PPP1R14C: variants seen among roughly 807,000 people sequenced by gnomAD.
PPP1R14C encodes protein phosphatase 1 regulatory subunit 14C.
PPP1R14C carries 16 observed loss-of-function variants against 20.4 expected under a neutral mutation model. That is an observed-to-expected ratio of 0.78 (90% CI 0.53 to 1.19). The LOEUF (loss-of-function observed/expected upper bound fraction) is 1.19, where lower values mean the gene tolerates loss of function less well. PPP1R14C is among the 50% of genes most tolerant of loss of function. The pLI, the probability that PPP1R14C is intolerant of heterozygous loss-of-function variation, is 0.00. For synonymous variants in PPP1R14C, 91 were observed against 91.0 expected, an observed-to-expected ratio of 1.00 and a Z score of 0.00; for missense variants, 211 against 220.1, an observed-to-expected ratio of 0.96 and a Z score of 0.26.
chr6:150,246,956 G>T (rs970266026), intron 3 of PPP1R14C, among the ~76,000 whole-genome samples: 8 of 152,130 alleles, frequency 5.3e-5, no homozygotes, highest in Admixed American at 2.6e-4. Context: ...ATCCATAGAA[G>T]AAAATATATT....
At chr6:150,237,006 T>G (rs1398368261) in intron 3 of PPP1R14C, among the ~76,000 whole-genome samples, 1 of 152,090 alleles carries the variant, frequency 6.6e-6, no homozygotes, top group Non-Finnish European at 1.5e-5. Context: ...ACTGACAGCT[T>G]CCTCAGAAGA....
At chr6:150,225,947 T>C (rs1778225178) in intron 3 of PPP1R14C, among the ~76,000 whole-genome samples, 2 of 152,346 alleles carry the variant, frequency 1.3e-5, no homozygotes, top group African/African-American at 2.4e-5. Context: ...AAGAGTTGAC[T>C]TTAAAGAATC....
At chr6:150,149,243 G>A (rs1312500704) in intron 1 of PPP1R14C, among the ~76,000 whole-genome samples, 1 of 151,958 alleles carries the variant, frequency 6.6e-6, no homozygotes, top group African/African-American at 2.4e-5. Context: ...CATTCAGTGG[G>A]TATATGTGAT....
At chr6:150,193,460 C>G (rs892111389) in intron 1 of PPP1R14C, among the ~76,000 whole-genome samples, 3 of 144,208 alleles carry the variant, frequency 2.1e-5, no homozygotes, top group Admixed American at 1.4e-4. Flanking sequence ...TCTGCATTTT[C>G]AAAAGAATTT....
At chr6:150,152,342 C>T (rs1475433788) in intron 1 of PPP1R14C, among the ~76,000 whole-genome samples, 1 of 152,154 alleles carries the variant, frequency 6.6e-6, no homozygotes, top group African/African-American at 2.4e-5. Context: ...CAGCTCCCCA[C>T]GGTGCTTCAG....
intron 1 of PPP1R14C, among the ~76,000 whole-genome samples, chr6:150,169,602 G>T (rs189914507): frequency 2.0e-5 from 3 of 152,328 alleles, no homozygotes; most frequent in Admixed American, 6.5e-5. Context: ...GCAGAGACCT[G>T]CATAAGGTGA....
intron 1 of PPP1R14C, among the ~76,000 whole-genome samples, chr6:150,168,513 A>G (rs1218557206): frequency 7.9e-6 from 1 of 127,254 alleles, no homozygotes; most frequent in Non-Finnish European, 1.8e-5. Context: ...AGCCTGGGCG[A>G]AAGAGCGAGA....
rs1032722018 is a variant in PPP1R14C at position 150,143,142 on chromosome 6, G to T, written c.-51G>T. 4 of 1,194,386 alleles carry T rather than the reference G, an allele frequency of 3.3e-6. No homozygotes were observed. The African/African-American group carries it at 6.4e-5, about 19-fold the overall frequency. The allele number at this position is 1,194,386 out of a possible 1,614,324, so 74.0% of individuals were successfully genotyped here. On this transcript the variant is annotated 5_prime_UTR_variant, in exon 1 of 4. Coordinates refer to ENST00000361131, the MANE Select transcript of PPP1R14C (RefSeq NM_030949.3). The surrounding 1 kb of genome is among the most constrained non-coding windows in gnomAD (Gnocchi z 5.6). ...CGGAGGTGGTAGCGGCGCCGGGCGCGCTCCGCCCGCCCCTCCTCCGGGCCG... is the reference window on the plus strand; with the variant it reads ...CGGAGGTGGTAGCGGCGCCGGGCGCTCTCCGCCCGCCCCTCCTCCGGGCCG...
chr6:150,244,832 A>G (rs1408828905), intron 3 of PPP1R14C, among the ~76,000 whole-genome samples: 1 of 152,128 alleles, frequency 6.6e-6, no homozygotes, highest in Non-Finnish European at 1.5e-5. Flanking sequence ...TATTTTTCAC[A>G]AAATATTTGT....
intron 3 of PPP1R14C, among the ~76,000 whole-genome samples, chr6:150,217,490 C>T (rs933853378): frequency 2.0e-5 from 3 of 152,086 alleles, no homozygotes; most frequent in African/African-American, 4.8e-5. Context: ...CCACCGCACC[C>T]GGCCTATCGG....
chr6:150,193,717 G>T (rs1777772054), intron 1 of PPP1R14C, among the ~76,000 whole-genome samples: 1 of 152,126 alleles, frequency 6.6e-6, no homozygotes, highest in Non-Finnish European at 1.5e-5. Flanking sequence ...TCCTTGCAAG[G>T]AAGCCCATTC....
chr6:150,173,992 T>C (rs1231196800), intron 1 of PPP1R14C, among the ~76,000 whole-genome samples: 1 of 151,754 alleles, frequency 6.6e-6, no homozygotes, highest in Admixed American at 6.6e-5. Flanking sequence ...CTGAAATCAA[T>C]TTGCTTATTT....
chr6:150,213,430 C>T (rs1778053003), intron 1 of PPP1R14C, among the ~76,000 whole-genome samples: 2 of 151,970 alleles, frequency 1.3e-5, no homozygotes, highest in South Asian at 4.1e-4. Flanking sequence ...AGGAAGGAAA[C>T]ATTCAGAAAG....
chr6:150,177,195 C>T (rs1455022002), intron 1 of PPP1R14C, among the ~76,000 whole-genome samples: 4 of 152,266 alleles, frequency 2.6e-5, no homozygotes, highest in South Asian at 2.1e-4. Flanking sequence ...TTCCCTGCAC[C>T]GTGTGGCCAT....
At chr6:150,200,900 G>T (rs1777869415) in intron 1 of PPP1R14C, among the ~76,000 whole-genome samples, 1 of 152,130 alleles carries the variant, frequency 6.6e-6, no homozygotes, top group Non-Finnish European at 1.5e-5. Flanking sequence ...GGATACCAGG[G>T]CTTGAATGTG....
At chr6:150,161,634 A>G (rs137998642) in intron 1 of PPP1R14C, among the ~76,000 whole-genome samples, 7 of 150,928 alleles carry the variant, frequency 4.6e-5, no homozygotes, top group Middle Eastern at 3.5e-3. Context: ...GTATATATGT[A>G]CAGCAATATC....
chr6:150,245,553 C>A (rs1196191252), intron 3 of PPP1R14C, among the ~76,000 whole-genome samples: 1 of 152,228 alleles, frequency 6.6e-6, no homozygotes, highest in Non-Finnish European at 1.5e-5. Context: ...CTAGGCCCGC[C>A]AGATCTTCCC....
chr6:150,170,776 CTCT>C (rs1777489492), intron 1 of PPP1R14C, among the ~76,000 whole-genome samples: 1 of 98,646 alleles, frequency 1.0e-5, no homozygotes, highest in African/African-American at 3.5e-5. Context: ...TACAGTACGA[CTCT>C]TTTTTTTTTT....
intron 3 of PPP1R14C, among the ~76,000 whole-genome samples, chr6:150,239,371 A>G (rs1778405559): frequency 6.6e-6 from 1 of 152,264 alleles, no homozygotes; most frequent in Non-Finnish European, 1.5e-5. Flanking sequence ...CAAGCCATAC[A>G]AAGTGTGTTC....
Sources: gnomAD v4.1 joint callset for allele counts (sites outside exome capture counted in the v4.1 genomes callset) on GRCh38, gnomAD v4.1.1 for gene constraint, Gnocchi (gnomAD v3.1) non-coding constraint, MANE v1.5 for transcripts, NCBI Gene and HGNC (gene_info 2026-07-23, HGNC 2026-07-21) for gene names.